The following EPCIP variants were observed in gnomAD, a reference collection of about 807,000 sequenced individuals.
EPCIP encodes the protein exosomal polycystin-1-interacting protein.
the EPCIP span, chr21:32,798,416 C>G: frequency 1.3e-5 from 2 of 152,332 alleles, no homozygotes; most frequent in African/African-American, 4.8e-5. Context: ...GGGTGACTGA[C>G]AGAGGGAGGG....
At chr21:32,792,140 G>A in the EPCIP span, among the ~76,000 whole-genome samples, 1 of 152,104 alleles carries the variant, frequency 6.6e-6, no homozygotes, top group Non-Finnish European at 1.5e-5. Context: ...CCGACCTCAG[G>A]TGATCCGCCT....
At chr21:32,809,372 T>G in the EPCIP span, among the ~76,000 whole-genome samples, 1 of 148,902 alleles carries the variant, frequency 6.7e-6, no homozygotes, top group African/African-American at 2.5e-5. Flanking sequence ...CTCTCTTCCT[T>G]TCTCTCTCTC....
At chr21:32,803,720 A>G in the EPCIP span, among the ~76,000 whole-genome samples, 4 of 152,172 alleles carry the variant, frequency 2.6e-5, no homozygotes, top group South Asian at 2.1e-4. Flanking sequence ...TCCCTCCCCA[A>G]TGTTTTCTTA....
At chr21:32,808,598 A>C in the EPCIP span, among the ~76,000 whole-genome samples, 5 of 152,162 alleles carry the variant, frequency 3.3e-5, no homozygotes, top group African/African-American at 1.2e-4. Flanking sequence ...GATTTTTCAG[A>C]GTTTTAAAAT....
At chr21:32,804,616 A>G in the EPCIP span, among the ~76,000 whole-genome samples, 1 of 152,058 alleles carries the variant, frequency 6.6e-6, no homozygotes, top group South Asian at 2.1e-4. Context: ...CCCCAAAGAA[A>G]TCTAAAGTAA....
At chr21:32,803,970 T>C in the EPCIP span, among the ~76,000 whole-genome samples, 1 of 152,202 alleles carries the variant, frequency 6.6e-6, no homozygotes, top group Non-Finnish European at 1.5e-5. Context: ...GTGATCGGAA[T>C]CTCATTTGGT....
chr21:32,809,290 T>TTCTTTCTTTCTTTC, the EPCIP span, among the ~76,000 whole-genome samples: 1 of 120,498 alleles, frequency 8.3e-6, no homozygotes, highest in Admixed American at 1.1e-4. Context: ...CTTTCTTTCT[T>TTCTTTCTTTCTTTC]TCTTTCTTTC....
chr21:32,801,862 T>C, the EPCIP span, among the ~76,000 whole-genome samples: 1 of 150,930 alleles, frequency 6.6e-6, no homozygotes, highest in African/African-American at 2.4e-5. Flanking sequence ...AAAAAAAAGA[T>C]GCAGATGGAG....
At chr21:32,804,154 T>A in the EPCIP span, among the ~76,000 whole-genome samples, 1 of 152,094 alleles carries the variant, frequency 6.6e-6, no homozygotes, top group Admixed American at 6.6e-5. Context: ...ACTGTTCATG[T>A]TGAACTCACT....
the EPCIP span, among the ~76,000 whole-genome samples, chr21:32,793,034 A>G: frequency 6.6e-6 from 1 of 151,940 alleles, no homozygotes; most frequent in Admixed American, 6.6e-5. Flanking sequence ...ATTTTGGCTC[A>G]CTGCAACCTC....
At chr21:32,793,999 G>A in the EPCIP span, 2 of 1,614,236 alleles carry the variant, frequency 1.2e-6, no homozygotes, top group East Asian at 4.5e-5. Flanking sequence ...CGCTATGGAT[G>A]AGTAAGCTCT....
the EPCIP span, among the ~76,000 whole-genome samples, chr21:32,803,674 T>G: frequency 7.2e-5 from 11 of 152,394 alleles, no homozygotes; most frequent in African/African-American, 2.6e-4. Flanking sequence ...TGTTGTTTAC[T>G]ATTTCAAAGC....
At chr21:32,801,660 G>A in the EPCIP span, among the ~76,000 whole-genome samples, 1 of 152,178 alleles carries the variant, frequency 6.6e-6, no homozygotes, top group African/African-American at 2.4e-5. Context: ...AGCCAACATG[G>A]TGAAACCCTG....
the EPCIP span, among the ~76,000 whole-genome samples, chr21:32,800,840 T>C: frequency 1.3e-5 from 2 of 151,428 alleles, no homozygotes; most frequent in East Asian, 3.9e-4. Context: ...AAAAAAAACA[T>C]GCACAGTTTT....
At chr21:32,791,273 TCA>T in the EPCIP span, 1 of 152,222 alleles carries the variant, frequency 6.6e-6, no homozygotes, top group Non-Finnish European at 1.5e-5. Flanking sequence ...TCCCATTAAC[TCA>T]CAAGTATTTC....
At chr21:32,811,231 A>G in the EPCIP span, among the ~76,000 whole-genome samples, 1 of 152,076 alleles carries the variant, frequency 6.6e-6, no homozygotes, top group South Asian at 2.1e-4. Context: ...CCCGGATTCA[A>G]GTAATTCTCC....
the EPCIP span, chr21:32,794,469 A>G: frequency 2.6e-6 from 4 of 1,556,340 alleles, no homozygotes; most frequent in South Asian, 1.2e-5. Flanking sequence ...TTTTTGAACC[A>G]ATTTGTTGGA....
chr21:32,812,844 A>G, the EPCIP span, among the ~76,000 whole-genome samples: 2 of 152,146 alleles, frequency 1.3e-5, no homozygotes, highest in Admixed American at 6.5e-5. Context: ...GCAAGACTGT[A>G]TATGTTCTAC....
At chr21:32,806,783 C>T in the EPCIP span, among the ~76,000 whole-genome samples, 3 of 152,276 alleles carry the variant, frequency 2.0e-5, no homozygotes, top group South Asian at 2.1e-4. Flanking sequence ...TGCCTGGATG[C>T]GGGGCTTCCT....
Sources: allele counts gnomAD v4.1 joint callset (sites outside exome capture counted in the v4.1 genomes callset), GRCh38; gene constraint gnomAD v4.1.1; transcripts MANE v1.5; gene names NCBI Gene and HGNC (gene_info 2026-07-23, HGNC 2026-07-21).